LIPC: variants seen among roughly 807,000 people sequenced by gnomAD.
The protein encoded by LIPC is lipase C, hepatic type.
In LIPC, 44 loss-of-function variants were observed where a neutral mutation model predicts 50.7. The ratio of observed to expected loss-of-function variants is 0.87; its 90% CI spans 0.68 to 1.11. LIPC has a LOEUF of 1.11. Ranked by LOEUF, LIPC falls within the 50% of genes most tolerant of loss-of-function variation. The pLI is 0.00. For missense variants in LIPC, 697 were observed against 648.2 expected (o/e 1.08, Z -0.82); for synonymous variants, 271 against 256.4 (o/e 1.06, Z -0.54).
intron 4 of LIPC, 120 bp from the exon 5 acceptor site, chr15:58,545,622 C>T (rs1893495807): frequency 1.2e-6 from 1 of 825,022 alleles, no homozygotes; most frequent in African/African-American, 1.7e-5. Context: ...AAGGATCAGC[C>T]CTACGTGTTT....
intron 4 of LIPC, among the ~76,000 whole-genome samples, chr15:58,544,384 T>C (rs931831944): frequency 7.5e-6 from 1 of 132,832 alleles, no homozygotes; most frequent in Non-Finnish European, 1.5e-5. Context: ...GACATTTTTC[T>C]TTTTCTCTTT....
rs1894144023 is a variant in LIPC, at chr15:58,561,045, G to C, written c.1169+64G>C. The C allele has an allele frequency of 8.4e-5, 72 of 861,548 alleles. 3 individuals are homozygous for C. The South Asian group carries it at 9.4e-4, about 11-fold the overall frequency. 53.4% of individuals were successfully genotyped at this position (861,548 alleles called of 1,614,324 possible). A position where few individuals can be genotyped will look rare whatever the true frequency, so the allele number is the denominator to read the frequency against. On this transcript the variant is annotated intron_variant, in intron 7 of 8. Coordinates refer to ENST00000299022, the MANE Select transcript of LIPC (RefSeq NM_000236.3). ...TTATTTTTCTTGCAGAACATAAATGGACTCTGTAATTTTCAAGAGTCAGGC... is the reference window on the plus strand; with the variant it reads ...TTATTTTTCTTGCAGAACATAAATGCACTCTGTAATTTTCAAGAGTCAGGC...
chr15:58,562,812 C>CCA (rs1555407544), intron 7 of LIPC, among the ~76,000 whole-genome samples: 11 of 151,706 alleles, frequency 7.3e-5, no homozygotes, highest in East Asian at 3.9e-4. Flanking sequence ...GGGACCCCCC[C>CCA]CCAACCCCAC....
intron 8 of LIPC, among the ~76,000 whole-genome samples, chr15:58,564,796 A>G (rs2414603): frequency 0.98 from 148,407 of 152,174 alleles, 72,478 homozygotes; most frequent in East Asian, 1. Context: ...CCTCCCAGCA[A>G]AAGAAAGGGC....
At chr15:58,549,055 G>A (rs1893651217) in intron 6 of LIPC, among the ~76,000 whole-genome samples, 1 of 152,166 alleles carries the variant, frequency 6.6e-6, no homozygotes. Context: ...TCACCCTGAG[G>A]CACTCCCAAG....
chr15:58,532,615 G>C (rs1057228225), intron 1 of LIPC, among the ~76,000 whole-genome samples: 1 of 152,192 alleles, frequency 6.6e-6, no homozygotes, highest in Non-Finnish European at 1.5e-5. Flanking sequence ...TTATGCACTT[G>C]TGTGCCCAGT....
At position 58,444,931 on chromosome 15, in the gene LIPC, G is replaced by A. The variant is rs191095225; in HGVS notation, c.88+12811G>A. Among the ~76,000 whole-genome samples the A allele has an allele frequency of 1.9e-3, 295 of 152,322 alleles. 1 individual carries two copies. Among genetic ancestry groups the A allele is most frequent in the Non-Finnish European group, 2.5e-3 (173 of 68,036 alleles). On this transcript the variant is annotated intron_variant, in intron 1 of 8. Transcript: ENST00000299022. ...TCTATTTGAGCTTCAGCAACTCTCCGGAAGGCTTCCGCGTTAGAAAAAAGG... is the reference window on the plus strand; with the variant it reads ...TCTATTTGAGCTTCAGCAACTCTCCAGAAGGCTTCCGCGTTAGAAAAAAGG...
At chr15:58,474,372 G>A (rs1222519918) in intron 1 of LIPC, among the ~76,000 whole-genome samples, 1 of 152,082 alleles carries the variant, frequency 6.6e-6, no homozygotes, top group Non-Finnish European at 1.5e-5. Context: ...ACAAAATTTA[G>A]CTGGGCTTGA....
At chr15:58,434,352 C>A (rs1349805986) in intron 1 of LIPC, among the ~76,000 whole-genome samples, 1 of 152,188 alleles carries the variant, frequency 6.6e-6, no homozygotes, top group Non-Finnish European at 1.5e-5. Flanking sequence ...TTAATGACAT[C>A]TTACTAATGG....
At chr15:58,564,142 A>C in intron 8 of LIPC, 1 of 147,376 alleles carries the variant, frequency 6.8e-6, no homozygotes, top group Non-Finnish European at 1.3e-5. Context: ...AATATCAAAA[A>C]TCTCGATGTA....
intron 1 of LIPC, among the ~76,000 whole-genome samples, chr15:58,477,858 C>T (rs1280631161): frequency 6.6e-6 from 1 of 152,142 alleles, no homozygotes; most frequent in Non-Finnish European, 1.5e-5. Context: ...CCTGTGGGAA[C>T]TGACCTGAGT....
chr15:58,542,410 T>C (rs1566944849), intron 3 of LIPC, 124 bp from the exon 4 acceptor site: 1 of 762,548 alleles, frequency 1.3e-6, no homozygotes, highest in Non-Finnish European at 2.4e-6. Flanking sequence ...GTTTGGAGTG[T>C]GAATAAGGCA....
intron 1 of LIPC, chr15:58,533,055 A>T: frequency 1.7e-6 from 1 of 586,076 alleles, no homozygotes; most frequent in Non-Finnish European, 2.1e-6. Flanking sequence ...ACAGGGGCTG[A>T]ATCCCTTGAT....
intron 1 of LIPC, among the ~76,000 whole-genome samples, chr15:58,527,746 C>T (rs1892835870): frequency 6.6e-6 from 1 of 152,176 alleles, no homozygotes; most frequent in Non-Finnish European, 1.5e-5. Flanking sequence ...ATCCCTGACA[C>T]ATAGTAGGTG....
intron 1 of LIPC, among the ~76,000 whole-genome samples, chr15:58,442,385 C>G (rs1378099147): frequency 1.3e-5 from 2 of 152,184 alleles, no homozygotes; most frequent in South Asian, 2.1e-4. Context: ...ACCCGGAGGA[C>G]AAAGATGGGA....
intron 1 of LIPC, among the ~76,000 whole-genome samples, chr15:58,488,307 C>T (rs1209409760): frequency 6.6e-6 from 1 of 152,200 alleles, no homozygotes; most frequent in Non-Finnish European, 1.5e-5. Context: ...ATTCCTGAGA[C>T]TCCTTCCAAC....
At chr15:58,445,402 C>T (rs1250743911) in intron 1 of LIPC, among the ~76,000 whole-genome samples, 5 of 152,186 alleles carry the variant, frequency 3.3e-5, no homozygotes, top group East Asian at 3.9e-4. Flanking sequence ...AGGCCTCAGA[C>T]GAGGGGAAAG....
At chr15:58,440,529 T>A (rs1435501368) in intron 1 of LIPC, among the ~76,000 whole-genome samples, 2 of 152,196 alleles carry the variant, frequency 1.3e-5, no homozygotes, top group Non-Finnish European at 2.9e-5. Context: ...GGAAAGTATA[T>A]CCCTGAGGGT....
Position 58,569,183 on chromosome 15 carries a change from A to C in LIPC, c.*356A>C. The C allele has an allele frequency of 5.6e-6, 1 of 180,148 alleles. No homozygotes were observed. The highest frequency in any genetic ancestry group is 1.2e-5 in the Non-Finnish European group (1 of 85,468). 11.2% of individuals were successfully genotyped at this position (180,148 alleles called of 1,614,324 possible). On this transcript the variant is annotated 3_prime_UTR_variant, in exon 9 of 9. Coordinates refer to ENST00000299022, the MANE Select transcript of LIPC (RefSeq NM_000236.3). ...CTAGTTTATTATGACCCATTTTTGA[A>C]CCATGCTAGAAAGATACTTTTTTAT...
Sources: allele counts gnomAD v4.1 joint callset (sites outside exome capture counted in the v4.1 genomes callset), GRCh38; gene constraint gnomAD v4.1.1; transcripts MANE v1.5; gene names NCBI Gene and HGNC (gene_info 2026-07-23, HGNC 2026-07-21).